Variants in MAGI3 observed in about 807,000 individuals in gnomAD.
The protein encoded by MAGI3 is membrane associated guanylate kinase, WW and PDZ domain containing 3, also known as membrane-associated guanylate kinase, WW and PDZ domain-containing protein 3.
MAGI3 carries 43 observed loss-of-function variants against 121.8 expected under a neutral mutation model. The observed-to-expected ratio is 0.35, with a 90% CI of 0.28 to 0.46. MAGI3 has a LOEUF of 0.46. Among genes scored for constraint, MAGI3 ranks in the 20% least tolerant of loss-of-function variants. The pLI, the probability that MAGI3 is intolerant of heterozygous loss-of-function variation, is 1.00. For missense variants in MAGI3, 1,547 were observed against 1,797.3 expected (o/e 0.86, Z 2.52); for synonymous variants, 553 against 639.3 (o/e 0.86, Z 2.04).
In MAGI3 at chr1:113,673,390, G is replaced by C. The variant is rs762978639; in HGVS notation, c.3114G>C (p.Gly1038=). The C allele has an allele frequency of 3.1e-6, 5 of 1,612,440 alleles. No homozygotes were observed. The highest frequency in any genetic ancestry group is 4.2e-6 in the Non-Finnish European group (5 of 1,179,784). The part of the protein sequence containing the change: ...PRGFGFSLRG[G]KEYNMGLFIL... ...GCTTTGGATTCAGCCTCCGAGGGGG[G>C]AAGGAGTACAACATGGGGCTGTTCA... Residue 1038 remains glycine, a synonymous_variant, in exon 19 of 21, where the codon GGG becomes GGC. Coordinates refer to ENST00000307546, the MANE Select transcript of MAGI3 (RefSeq NM_001142782.2).
At chr1:113,475,063 C>G (rs1655745006) in intron 1 of MAGI3, among the ~76,000 whole-genome samples, 1 of 152,154 alleles carries the variant, frequency 6.6e-6, no homozygotes, top group East Asian at 1.9e-4. Flanking sequence ...TATAGGAATG[C>G]TTGTGATTTT....
intron 1 of MAGI3, among the ~76,000 whole-genome samples, chr1:113,536,350 G>A (rs1658997226): frequency 6.6e-6 from 1 of 152,076 alleles, no homozygotes; most frequent in Non-Finnish European, 1.5e-5. Flanking sequence ...CAGTTTTCCA[G>A]ATCATCTCCT....
chr1:113,461,247 G>A (rs921816215), intron 1 of MAGI3, among the ~76,000 whole-genome samples: 1 of 151,944 alleles, frequency 6.6e-6, no homozygotes, highest in Non-Finnish European at 1.5e-5. Flanking sequence ...AAACCCTTAC[G>A]GAACCAAAAA....
rs1352738690 is a variant in MAGI3 at position 113,406,054 on chromosome 1, A to G, written c.316+14705A>G. On this transcript the variant is annotated intron_variant, in intron 1 of 20. Coordinates refer to ENST00000307546, the MANE Select transcript of MAGI3 (RefSeq NM_001142782.2). ...GAAGCCTGGCCTCAAGATAGATAAT[A>G]TTTTACTTTTAATTTGGTGCCCTTG... Among the ~76,000 whole-genome samples, 4 of 152,010 alleles carry G rather than the reference A, an allele frequency of 2.6e-5. No individual in the cohort carries two copies. The East Asian group carries it at 7.8e-4, about 29-fold the overall frequency.
At chr1:113,579,677 A>G (rs1365011326) in intron 2 of MAGI3, among the ~76,000 whole-genome samples, 2 of 152,162 alleles carry the variant, frequency 1.3e-5, no homozygotes, top group South Asian at 2.1e-4. Context: ...GTCCTAGATA[A>G]TGATATGAAT....
chr1:113,572,551 A>G (rs1387932559), intron 2 of MAGI3, among the ~76,000 whole-genome samples: 1 of 152,142 alleles, frequency 6.6e-6, no homozygotes, highest in Non-Finnish European at 1.5e-5. Context: ...TAGGCTATTA[A>G]TTACTGCCTC....
At chr1:113,487,516 C>G (rs956506222) in intron 1 of MAGI3, among the ~76,000 whole-genome samples, 10 of 151,868 alleles carry the variant, frequency 6.6e-5, no homozygotes, top group African/African-American at 2.2e-4. Flanking sequence ...GCTTAGTGTT[C>G]CAGTAATGGA....
chr1:113,670,850 T>C (rs1647510404), intron 16 of MAGI3, among the ~76,000 whole-genome samples: 1 of 152,250 alleles, frequency 6.6e-6, no homozygotes, highest in African/African-American at 2.4e-5. Context: ...TAGTAAATGA[T>C]GCAATCAGGC....
intron 1 of MAGI3, chr1:113,449,619 C>A: frequency 1.5e-6 from 1 of 663,262 alleles, no homozygotes. Context: ...AGTTTATTAT[C>A]AACATTCAGT....
intron 1 of MAGI3, among the ~76,000 whole-genome samples, chr1:113,531,493 T>G (rs950308023): frequency 3.9e-5 from 6 of 152,154 alleles, no homozygotes; most frequent in African/African-American, 1.4e-4. Flanking sequence ...GACTATCTGT[T>G]TCTTCCCAAC....
intron 1 of MAGI3, among the ~76,000 whole-genome samples, chr1:113,537,642 CT>C (rs1659071136): frequency 6.6e-6 from 1 of 152,146 alleles, no homozygotes; most frequent in South Asian, 2.1e-4. Context: ...TGCTTGTCAG[CT>C]TTTGGCATTC....
chr1:113,397,745 T>G (rs1651191986), intron 1 of MAGI3, among the ~76,000 whole-genome samples: 1 of 152,166 alleles, frequency 6.6e-6, no homozygotes, highest in African/African-American at 2.4e-5. Context: ...TGCTCTAAGG[T>G]GCTTAATGCT....
intron 2 of MAGI3, among the ~76,000 whole-genome samples, chr1:113,578,961 T>G (rs1350925021): frequency 9.7e-5 from 1 of 10,262 alleles, no homozygotes; most frequent in Admixed American, 5.0e-4. Flanking sequence ...ATAATCTTTG[T>G]TTTTTTTTGT....
chr1:113,623,083 ATAAT>A, intron 9 of MAGI3, 89 bp downstream of exon 9: 5 of 821,262 alleles, frequency 6.1e-6, no homozygotes, highest in Non-Finnish European at 8.6e-6. Flanking sequence ...AGAGAGAGAA[ATAAT>A]TAAATTATAT....
At chr1:113,571,076 G>T (rs1441311741) in intron 2 of MAGI3, among the ~76,000 whole-genome samples, 1 of 152,162 alleles carries the variant, frequency 6.6e-6, no homozygotes, top group Non-Finnish European at 1.5e-5. Flanking sequence ...TGTGTAAGGT[G>T]TAAGGAAGGA....
chr1:113,645,275 C>T (rs1042515362), intron 11 of MAGI3, among the ~76,000 whole-genome samples: 5 of 152,110 alleles, frequency 3.3e-5, no homozygotes, highest in African/African-American at 4.8e-5. Flanking sequence ...CTGCCCACCT[C>T]GGCCTCCCAA....
intron 8 of MAGI3, among the ~76,000 whole-genome samples, chr1:113,621,131 C>G (rs1158508661): frequency 1.3e-5 from 2 of 151,922 alleles, no homozygotes; most frequent in East Asian, 3.9e-4. Context: ...AGCAGGCAGA[C>G]AAAAATTTTA....
intron 2 of MAGI3, among the ~76,000 whole-genome samples, chr1:113,577,861 C>G (rs1030665053): frequency 2.0e-5 from 3 of 152,078 alleles, no homozygotes; most frequent in Non-Finnish European, 4.4e-5. Context: ...TCGATCAGTG[C>G]TGTTTTTATA....
chr1:113,394,726 A>C (rs1461748096), intron 1 of MAGI3, among the ~76,000 whole-genome samples: 2 of 152,186 alleles, frequency 1.3e-5, no homozygotes, highest in Non-Finnish European at 2.9e-5. Context: ...CCAGAGATTA[A>C]GTATCGGTAC....
Sources: gnomAD v4.1 joint callset for allele counts (sites outside exome capture counted in the v4.1 genomes callset) on GRCh38, gnomAD v4.1.1 for gene constraint, MANE v1.5 for transcripts, NCBI Gene and HGNC (gene_info 2026-07-23, HGNC 2026-07-21) for gene names.